Variants in KCTD1 observed in about 807,000 individuals in gnomAD.
KCTD1 encodes the protein potassium channel tetramerization domain containing 1, also known as BTB/POZ domain-containing protein KCTD1.
A neutral mutation model predicts 66.0 loss-of-function variants in KCTD1; 24 were observed. That is an observed-to-expected ratio of 0.36 (90% confidence interval 0.26 to 0.51). KCTD1 has a LOEUF of 0.51. Among genes scored for constraint, KCTD1 ranks in the 20% least tolerant of loss-of-function variants. KCTD1 has a pLI of 0.95. For missense variants in KCTD1, 943 were observed against 1,205.2 expected (o/e 0.78, Z 3.22); for synonymous variants, 511 against 517.2 (o/e 0.99, Z 0.16).
intron 2 of KCTD1, among the ~76,000 whole-genome samples, chr18:26,497,149 C>T (rs988442138): frequency 7.2e-5 from 11 of 152,212 alleles, no homozygotes; most frequent in African/African-American, 1.2e-4. Context: ...CATTTCAAAA[C>T]GGAGTAAAGG....
At chr18:26,496,392 C>A (rs920075054) in intron 2 of KCTD1, among the ~76,000 whole-genome samples, 1 of 152,068 alleles carries the variant, frequency 6.6e-6, no homozygotes, top group Admixed American at 6.6e-5. Flanking sequence ...CAGATCTGAA[C>A]TGGGTGTTTT....
At chr18:26,495,456 G>A (rs1371039945) in intron 2 of KCTD1, among the ~76,000 whole-genome samples, 1 of 152,080 alleles carries the variant, frequency 6.6e-6, no homozygotes, top group Non-Finnish European at 1.5e-5. Context: ...GCTGCTGGCA[G>A]AGCACACATG....
intron 1 of KCTD1, among the ~76,000 whole-genome samples, chr18:26,570,147 C>T (rs1986069360): frequency 6.8e-6 from 1 of 148,002 alleles, no homozygotes; most frequent in African/African-American, 2.5e-5. Flanking sequence ...AATTGTGCCA[C>T]TGCATTGCAG....
At chr18:26,541,627 G>A (rs1984978302) in intron 1 of KCTD1, among the ~76,000 whole-genome samples, 1 of 152,186 alleles carries the variant, frequency 6.6e-6, no homozygotes. Flanking sequence ...AGTGTTGAAA[G>A]GAATTTGGAG....
At chr18:26,460,070 A>G in intron 3 of KCTD1, 145 bp from the exon 4 acceptor site, 1 of 638,134 alleles carries the variant, frequency 1.6e-6, no homozygotes, top group Non-Finnish European at 2.7e-6. Flanking sequence ...ACATGTTTGT[A>G]GAGGCTCAAT....
chr18:26,620,531 G>C (rs1987357808), intron 1 of KCTD1, among the ~76,000 whole-genome samples: 1 of 148,878 alleles, frequency 6.7e-6, no homozygotes, highest in South Asian at 2.1e-4. Context: ...CCACCTCCGG[G>C]GCTCAAGCTC....
At chr18:26,535,225 T>C (rs1169486545) in intron 1 of KCTD1, among the ~76,000 whole-genome samples, 1 of 152,208 alleles carries the variant, frequency 6.6e-6, no homozygotes, top group Non-Finnish European at 1.5e-5. Flanking sequence ...TTTTTATTGG[T>C]TCTTTTTACT....
chr18:26,604,828 TA>T (rs2092271166), intron 1 of KCTD1, among the ~76,000 whole-genome samples: 1 of 152,136 alleles, frequency 6.6e-6, no homozygotes, highest in African/African-American at 2.4e-5. Context: ...TCTGTACAAT[TA>T]ATCCCTGTGA....
intron 2 of KCTD1, among the ~76,000 whole-genome samples, chr18:26,482,248 G>T (rs1981687826): frequency 6.6e-6 from 1 of 152,120 alleles, no homozygotes; most frequent in South Asian, 2.1e-4. Context: ...TGCTTTAAGG[G>T]TTTATATCTC....
At chr18:26,615,250 C>T (rs1987224524) in intron 1 of KCTD1, among the ~76,000 whole-genome samples, 1 of 152,168 alleles carries the variant, frequency 6.6e-6, no homozygotes, top group Admixed American at 6.6e-5. Context: ...TCTGTGGCTC[C>T]CAGCTGCTCA....
chr18:26,654,825 T>C (rs1568022353), intron 1 of KCTD1, among the ~76,000 whole-genome samples: 1 of 152,228 alleles, frequency 6.6e-6, no homozygotes, highest in Non-Finnish European at 1.5e-5. Context: ...TAACCTACTG[T>C]CATCATAACC....
intron 1 of KCTD1, among the ~76,000 whole-genome samples, chr18:26,524,366 C>T (rs1984057965): frequency 6.6e-6 from 1 of 152,192 alleles, no homozygotes; most frequent in African/African-American, 2.4e-5. Flanking sequence ...TCCCCTAATA[C>T]AGACAAAATG....
At chr18:26,649,760 G>A (rs544676553) in intron 1 of KCTD1, among the ~76,000 whole-genome samples, 14 of 152,190 alleles carry the variant, frequency 9.2e-5, no homozygotes, top group South Asian at 4.2e-4. Context: ...CACCTGCCTC[G>A]GCCTCCCAAA....
chr18:26,630,144 T>C (rs1336985939), upstream of KCTD1, among the ~76,000 whole-genome samples: 1 of 152,158 alleles, frequency 6.6e-6, no homozygotes, highest in Non-Finnish European at 1.5e-5. Context: ...GCAAAAGCAA[T>C]GATGGGTAAA....
At chr18:26,651,063 C>T (rs1988022065) in intron 1 of KCTD1, among the ~76,000 whole-genome samples, 1 of 152,234 alleles carries the variant, frequency 6.6e-6, no homozygotes, top group Non-Finnish European at 1.5e-5. Flanking sequence ...GACCAATTCA[C>T]ATGTTCTGAT....
At chr18:26,558,076 G>A (rs1046815490) in intron 1 of KCTD1, among the ~76,000 whole-genome samples, 1 of 152,218 alleles carries the variant, frequency 6.6e-6, no homozygotes, top group Admixed American at 6.5e-5. Flanking sequence ...ACATTTGGCT[G>A]GGAGGCCCCA....
chr18:26,599,127 G>C (rs1379975894), intron 1 of KCTD1, among the ~76,000 whole-genome samples: 1 of 152,066 alleles, frequency 6.6e-6, no homozygotes, highest in African/African-American at 2.4e-5. Flanking sequence ...TACTATCTTA[G>C]CTCTTAGAAT....
chr18:26,597,631 G>T (rs1192778493), intron 1 of KCTD1, among the ~76,000 whole-genome samples: 3 of 150,306 alleles, frequency 2.0e-5, no homozygotes, highest in Non-Finnish European at 4.4e-5. Flanking sequence ...CAGTAGCAAT[G>T]AACACACCTA....
intron 1 of KCTD1, among the ~76,000 whole-genome samples, chr18:26,505,503 C>G (rs1404768915): frequency 1.3e-5 from 2 of 152,232 alleles, no homozygotes; most frequent in African/African-American, 4.8e-5. Flanking sequence ...CATGAAGCTA[C>G]TTGATTACTG....
Sources: allele counts gnomAD v4.1 joint callset (sites outside exome capture counted in the v4.1 genomes callset), GRCh38; gene constraint gnomAD v4.1.1; transcripts MANE v1.5; gene names NCBI Gene and HGNC (gene_info 2026-07-23, HGNC 2026-07-21).